The following FBXL20 variants were observed in gnomAD, a reference collection of about 807,000 sequenced individuals.
The protein encoded by FBXL20 is F-box/LRR-repeat protein 20.
FBXL20 carries 11 observed loss-of-function variants against 64.0 expected under a neutral mutation model. The ratio of observed to expected loss-of-function variants is 0.17; its 90% CI spans 0.11 to 0.28. The LOEUF is 0.28. Among genes scored for constraint, FBXL20 ranks in the 10% least tolerant of loss-of-function variants. FBXL20 has a pLI of 1.00. For synonymous variants in FBXL20, 184 were observed against 189.0 expected (o/e 0.97, Z 0.22); for missense variants, 303 against 526.2 (o/e 0.58, Z 4.15).
chr17:39,254,085 C>T lies in FBXL20; in HGVS notation c.*7375G>A, dbSNP rs1218666732. 1.3e-5 allele frequency: 2 copies of T among 152,188 alleles called. No individual in the cohort carries two copies. Among genetic ancestry groups the T allele is most frequent in the African/African-American group, 2.4e-5 (1 of 41,446 alleles). The allele number at this position is 152,188 out of a possible 1,614,324, so 9.4% of individuals were successfully genotyped here. On this transcript the variant is annotated 3_prime_UTR_variant, in exon 15 of 15. Transcript: ENST00000264658. ...GTGAAGCAAAGTTTTCTTTTCTTTT[C>T]TCTTTTTTGTGAGATGGAGTCTCAC...
intron 6 of FBXL20, among the ~76,000 whole-genome samples, chr17:39,290,109 A>T (rs2047025357): frequency 6.6e-6 from 1 of 150,990 alleles, no homozygotes; most frequent in African/African-American, 2.4e-5. Context: ...ATCATTTTAT[A>T]ATTTTCAGTG....
At position 39,256,169 on chromosome 17, in the gene FBXL20, AC is replaced by A. The variant is rs1278449527; in HGVS notation, c.*5290del. ...AACCCCATCTCTATGAAAAATACAA[AC>A]ATTAGCTGGGCGTGGTGGTGGGCAC... On this transcript the variant is annotated 3_prime_UTR_variant, in exon 15 of 15. Transcript: ENST00000264658. 2.6e-5 allele frequency: 4 copies of A among 152,128 alleles called. No homozygotes were observed. Among genetic ancestry groups the A allele is most frequent in the African/African-American group, 9.6e-5 (4 of 41,498 alleles). The allele number at this position is 152,128 out of a possible 1,614,324, so 9.4% of individuals were successfully genotyped here. A position where few individuals can be genotyped will look rare whatever the true frequency, so the allele number is the denominator to read the frequency against.
At chr17:39,299,166 T>C (rs2047112402) in intron 4 of FBXL20, 82 bp from the exon 5 acceptor site, 15 of 998,008 alleles carry the variant, frequency 1.5e-5, no homozygotes, top group Non-Finnish European at 2.3e-5. Flanking sequence ...TAACGATTTA[T>C]AAACAAAGAG....
At chr17:39,299,496 C>G (rs1326620607) in intron 4 of FBXL20, among the ~76,000 whole-genome samples, 4 of 152,100 alleles carry the variant, frequency 2.6e-5, no homozygotes, top group Non-Finnish European at 5.9e-5. Context: ...AAAAGCTGGT[C>G]AGGGGCCAGG....
chr17:39,370,545 G>C (rs1340204989), intron 1 of FBXL20, among the ~76,000 whole-genome samples: 10 of 151,078 alleles, frequency 6.6e-5, no homozygotes, highest in African/African-American at 2.4e-4. Flanking sequence ...CCAGCACTTT[G>C]GGAGGCCGAG....
intron 1 of FBXL20, among the ~76,000 whole-genome samples, chr17:39,358,437 C>T (rs1326773325): frequency 6.6e-6 from 1 of 152,184 alleles, no homozygotes; most frequent in African/African-American, 2.4e-5. Context: ...AATCCTAGCG[C>T]TTTGGGAGGC....
intron 2 of FBXL20, among the ~76,000 whole-genome samples, chr17:39,320,883 G>C (rs1445416354): frequency 6.6e-6 from 1 of 151,968 alleles, no homozygotes; most frequent in Non-Finnish European, 1.5e-5. Context: ...AGCCGTGCTC[G>C]GCCCAGTATG....
intron 2 of FBXL20, among the ~76,000 whole-genome samples, chr17:39,306,667 G>C: frequency 6.6e-6 from 1 of 152,164 alleles, no homozygotes; most frequent in East Asian, 1.9e-4. Context: ...TTTTGAAGCA[G>C]AAAGTGCTTT....
Position 39,253,519 on chromosome 17 carries a change from G to A in FBXL20, c.*7941C>T, listed in dbSNP as rs1267370320. 6.6e-6 allele frequency: 1 copy of A among 152,326 alleles called. No homozygotes were observed. The highest frequency in any genetic ancestry group is 1.9e-4 in the East Asian group (1 of 5,336). 9.4% of individuals were successfully genotyped at this position (152,326 alleles called of 1,614,324 possible). ...GAGTGGGTAGTCACAGATACTCAGGGCTCCAAGAGCCACACCATGGTGAGA... is the reference window on the plus strand; with the variant it reads ...GAGTGGGTAGTCACAGATACTCAGGACTCCAAGAGCCACACCATGGTGAGA... On this transcript the variant is annotated 3_prime_UTR_variant, in exon 15 of 15. Transcript: ENST00000264658.
At chr17:39,267,082 G>A (rs929543333) in intron 12 of FBXL20, among the ~76,000 whole-genome samples, 1 of 151,736 alleles carries the variant, frequency 6.6e-6, no homozygotes, top group African/African-American at 2.4e-5. Context: ...TTGAAACCCT[G>A]TCTCTACTAA....
intron 10 of FBXL20, among the ~76,000 whole-genome samples, chr17:39,274,583 AGTACCCCCTGCTAT>A (rs1183591525): frequency 6.6e-6 from 1 of 152,232 alleles, no homozygotes; most frequent in African/African-American, 2.4e-5. Flanking sequence ...TTTTAAATAT[AGTACCCCCTGCTAT>A]GTACCTGGTA....
chr17:39,301,311 G>A (rs1387881952), intron 3 of FBXL20, among the ~76,000 whole-genome samples: 1 of 152,128 alleles, frequency 6.6e-6, no homozygotes, highest in Non-Finnish European at 1.5e-5. Context: ...AAGATCTTAG[G>A]CCAGGCATGG....
chr17:39,377,358 C>T (rs2047977035), intron 1 of FBXL20, among the ~76,000 whole-genome samples: 1 of 152,144 alleles, frequency 6.6e-6, no homozygotes, highest in Non-Finnish European at 1.5e-5. Flanking sequence ...CCCCCACCCA[C>T]CAAGCTGTCC....
At chr17:39,365,174 G>C (rs148689144) in intron 1 of FBXL20, among the ~76,000 whole-genome samples, 29 of 152,276 alleles carry the variant, frequency 1.9e-4, no homozygotes, top group African/African-American at 7.0e-4. Context: ...TGAAGCTGCA[G>C]AAGATTTTTT....
At chr17:39,350,526 A>T (rs2047678290) in intron 1 of FBXL20, among the ~76,000 whole-genome samples, 1 of 151,600 alleles carries the variant, frequency 6.6e-6, no homozygotes, top group African/African-American at 2.4e-5. Flanking sequence ...AGCAAAAAAA[A>T]AAAAAAAAAC....
intron 2 of FBXL20, among the ~76,000 whole-genome samples, chr17:39,311,334 C>T (rs2144484971): frequency 6.6e-6 from 1 of 152,260 alleles, no homozygotes; most frequent in Non-Finnish European, 1.5e-5. Flanking sequence ...TCTTTCATTA[C>T]ACTTTACTGT....
chr17:39,378,001 G>C (rs1380453043), intron 1 of FBXL20, among the ~76,000 whole-genome samples: 2 of 152,062 alleles, frequency 1.3e-5, no homozygotes, highest in African/African-American at 4.8e-5. Context: ...GACAGAGCAA[G>C]ACCCTATCCT....
rs1425605303 is a variant in FBXL20, at chr17:39,342,481, CA to C, written c.104+698del. ...CTGTAATCCCAGCACTTTGGGAGGC[CA>C]AAGTAGGCAGATCACGAGGTCAGGA... On this transcript the variant is annotated intron_variant, in intron 2 of 14. Coordinates refer to ENST00000264658, the MANE Select transcript of FBXL20 (RefSeq NM_032875.3). 2.0e-5 allele frequency among the ~76,000 whole-genome samples: 3 copies of C among 152,084 alleles called. No homozygotes were observed. In the East Asian group the frequency reaches 5.8e-4, roughly 29 times the overall value.
intron 2 of FBXL20, among the ~76,000 whole-genome samples, chr17:39,305,850 T>TTACA (rs2047177026): frequency 6.6e-6 from 1 of 151,706 alleles, no homozygotes; most frequent in Non-Finnish European, 1.5e-5. Context: ...CCAGGCGTGG[T>TTACA]GGTGGGGGCG....
Sources: allele counts gnomAD v4.1 joint callset (sites outside exome capture counted in the v4.1 genomes callset), GRCh38; gene constraint gnomAD v4.1.1; transcripts MANE v1.5; gene names NCBI Gene and HGNC (gene_info 2026-07-23, HGNC 2026-07-21).